Variants in CTNNA2 observed in about 807,000 individuals in gnomAD.
The protein encoded by CTNNA2 is catenin alpha 2, also known as catenin alpha-2.
In CTNNA2, 42 loss-of-function variants were observed where a neutral mutation model predicts 101.0. The observed-to-expected ratio is 0.42, with a 90% CI of 0.32 to 0.54. The LOEUF is 0.54. Ranked by LOEUF, CTNNA2 falls within the 20% of genes least tolerant of loss-of-function variation. The pLI, the probability that CTNNA2 is intolerant of heterozygous loss-of-function variation, is 0.14. For missense variants in CTNNA2, 871 were observed against 1,223.1 expected (o/e 0.71, Z 4.29); for synonymous variants, 450 against 456.4 (o/e 0.99, Z 0.18).
chr2:79,375,851 C>T (rs1677966349), intron 4 of CTNNA2, among the ~76,000 whole-genome samples: 1 of 152,026 alleles, frequency 6.6e-6, no homozygotes, highest in Non-Finnish European at 1.5e-5. Context: ...CAAACTCATA[C>T]ATTCATTCAT....
intron 2 of CTNNA2, among the ~76,000 whole-genome samples, chr2:79,300,386 T>C (rs553399803): frequency 3.3e-5 from 5 of 152,208 alleles, no homozygotes; most frequent in Admixed American, 2.6e-4. Context: ...TGTATAGATA[T>C]GGAAATATGT....
chr2:80,200,862 G>A (rs1185004726), intron 7 of CTNNA2, among the ~76,000 whole-genome samples: 2 of 137,874 alleles, frequency 1.5e-5, no homozygotes, highest in African/African-American at 6.7e-5. Flanking sequence ...CAACCTGATA[G>A]CCTTGGTTTT....
intron 4 of CTNNA2, among the ~76,000 whole-genome samples, chr2:79,379,625 C>T (rs186326788): frequency 6.6e-6 from 1 of 152,274 alleles, no homozygotes; most frequent in African/African-American, 2.4e-5. Context: ...TAAGATGCTT[C>T]TACAAACATT....
At chr2:79,763,612 C>A (rs1363314828) in intron 3 of CTNNA2, among the ~76,000 whole-genome samples, 2 of 152,194 alleles carry the variant, frequency 1.3e-5, no homozygotes, top group Admixed American at 6.5e-5. Context: ...GCAATAGCAG[C>A]ATCATTTTTC....
intron 7 of CTNNA2, among the ~76,000 whole-genome samples, chr2:80,235,517 G>A (rs923274258): frequency 6.6e-6 from 1 of 152,194 alleles, no homozygotes; most frequent in African/African-American, 2.4e-5. Flanking sequence ...AGAACAAGTG[G>A]CTGCTGGCTC....
chr2:79,384,547 T>A (rs1484941175), intron 4 of CTNNA2, among the ~76,000 whole-genome samples: 1 of 152,122 alleles, frequency 6.6e-6, no homozygotes, highest in Non-Finnish European at 1.5e-5. Context: ...CTGTGATATA[T>A]ACTAAGTGGT....
intron 18 of CTNNA2, among the ~76,000 whole-genome samples, chr2:80,644,767 C>T (rs1206957894): frequency 6.6e-6 from 1 of 152,108 alleles, no homozygotes; most frequent in African/African-American, 2.4e-5. Context: ...CCTCACTTTA[C>T]CTTGCTGCAA....
At chr2:79,299,374 A>T (rs1407969224) in intron 2 of CTNNA2, among the ~76,000 whole-genome samples, 1 of 152,220 alleles carries the variant, frequency 6.6e-6, no homozygotes, top group Non-Finnish European at 1.5e-5. Flanking sequence ...GTCATAGGCT[A>T]CAAGATGCAA....
intron 4 of CTNNA2, among the ~76,000 whole-genome samples, chr2:79,379,605 C>T (rs778512159): frequency 2.6e-5 from 4 of 152,126 alleles, no homozygotes; most frequent in African/African-American, 4.8e-5. Context: ...TTGAATAATA[C>T]GATTGTGGTT....
chr2:80,305,405 G>A, intron 7 of CTNNA2: 1 of 981,776 alleles, frequency 1.0e-6, no homozygotes, highest in South Asian at 4.7e-5. Flanking sequence ...GGTACAGAGT[G>A]GATTAAAGAA....
At chr2:79,328,562 G>T (rs1439234199) in intron 3 of CTNNA2, among the ~76,000 whole-genome samples, 1 of 152,180 alleles carries the variant, frequency 6.6e-6, no homozygotes, top group African/African-American at 2.4e-5. Context: ...TTAAGGGCTG[G>T]TAGTGTGTTA....
At chr2:79,286,819 A>T (rs2104360008) in intron 2 of CTNNA2, among the ~76,000 whole-genome samples, 1 of 152,074 alleles carries the variant, frequency 6.6e-6, no homozygotes, top group East Asian at 1.9e-4. Flanking sequence ...TAGATTGGGG[A>T]AGTTCTCCTG....
intron 6 of CTNNA2, among the ~76,000 whole-genome samples, chr2:79,898,552 A>G (rs1225080301): frequency 1.3e-5 from 2 of 152,196 alleles, no homozygotes; most frequent in Non-Finnish European, 2.9e-5. Flanking sequence ...TGTGGCCTTC[A>G]TCAAGTCACC....
At chr2:80,057,171 AG>A (rs1697269089) in intron 7 of CTNNA2, among the ~76,000 whole-genome samples, 1 of 142,452 alleles carries the variant, frequency 7.0e-6, no homozygotes, top group Admixed American at 6.8e-5. Flanking sequence ...GAAGTATATA[AG>A]TTGTTTTTTT....
At chr2:79,669,869 G>A (rs1483942245) in intron 2 of CTNNA2, among the ~76,000 whole-genome samples, 2 of 152,190 alleles carry the variant, frequency 1.3e-5, no homozygotes, top group Non-Finnish European at 2.9e-5. Context: ...TGGTCCATGG[G>A]CGGCCAGCAA....
At chr2:79,451,536 T>C (rs1670748014) in intron 4 of CTNNA2, among the ~76,000 whole-genome samples, 1 of 151,894 alleles carries the variant, frequency 6.6e-6, no homozygotes, top group Non-Finnish European at 1.5e-5. Context: ...TAATATAATC[T>C]CACTGTACAG....
chr2:79,900,123 G>A (rs527261945), intron 6 of CTNNA2, among the ~76,000 whole-genome samples: 1 of 152,254 alleles, frequency 6.6e-6, no homozygotes, highest in East Asian at 1.9e-4. Context: ...AAAGCATTCA[G>A]AGCCAGAATT....
upstream of CTNNA2, among the ~76,000 whole-genome samples, chr2:79,508,955 GTATATATATATATATATATATATATA>G (rs530470576): frequency 8.4e-3 from 766 of 90,978 alleles, 22 homozygotes; most frequent in African/African-American, 0.026. Flanking sequence ...CACCATTGCA[GTATATATATATATATATATATATATA>G]TATATATATA....
intron 12 of CTNNA2, among the ~76,000 whole-genome samples, chr2:80,565,549 G>C (rs764516456): frequency 6.6e-6 from 1 of 151,556 alleles, no homozygotes. Context: ...TGAATCGTGT[G>C]GTTGTACCTC....
Sources: allele counts gnomAD v4.1 joint callset (sites outside exome capture counted in the v4.1 genomes callset), GRCh38; gene constraint gnomAD v4.1.1; transcripts MANE v1.5; gene names NCBI Gene and HGNC (gene_info 2026-07-23, HGNC 2026-07-21).